MSRB3: variants seen among roughly 807,000 people sequenced by gnomAD.
The protein encoded by MSRB3 is methionine sulfoxide reductase B3.
A neutral mutation model predicts 21.0 loss-of-function variants in MSRB3; 13 were observed. The ratio of observed to expected loss-of-function variants is 0.62; its 90% CI spans 0.40 to 0.98. The LOEUF (loss-of-function observed/expected upper bound fraction) is 0.98, where lower values mean the gene tolerates loss of function less well. Among genes scored for constraint, MSRB3 ranks in the 50% least tolerant of loss-of-function variants. The pLI is 0.00. For synonymous variants in MSRB3, 87 were observed against 88.6 expected (o/e 0.98, Z 0.10); for missense variants, 199 against 230.3 (o/e 0.86, Z 0.88).
At chr12:65,331,222 A>G (rs1165973258) in intron 4 of MSRB3, among the ~76,000 whole-genome samples, 1 of 152,244 alleles carries the variant, frequency 6.6e-6, no homozygotes, top group Non-Finnish European at 1.5e-5. Flanking sequence ...CCCAGTCAGG[A>G]CACAGAATAC....
chr12:65,404,973 T>G (rs1226885759), intron 5 of MSRB3, among the ~76,000 whole-genome samples: 1 of 151,964 alleles, frequency 6.6e-6, no homozygotes, highest in African/African-American at 2.4e-5. Context: ...TTTTTTTTTT[T>G]TAGACAGAGT....
intron 5 of MSRB3, among the ~76,000 whole-genome samples, chr12:65,423,029 C>T (rs868138242): frequency 7.0e-6 from 1 of 142,638 alleles, no homozygotes; most frequent in Non-Finnish European, 1.5e-5. Context: ...ATGGTGCAAT[C>T]TTGGCTCACT....
At chr12:65,290,107 T>C (rs1872590428) in intron 1 of MSRB3, among the ~76,000 whole-genome samples, 1 of 150,684 alleles carries the variant, frequency 6.6e-6, no homozygotes, top group South Asian at 2.1e-4. Context: ...CCTATTACTT[T>C]CAAGCTTCAT....
chr12:65,279,036 G>A (rs1871836785), intron 1 of MSRB3, 171 bp downstream of exon 1: 5 of 1,430,898 alleles, frequency 3.5e-6, no homozygotes, highest in East Asian at 2.6e-5. Context: ...GAAGGGTTGC[G>A]CCCCGCGCCA....
At chr12:65,362,759 G>A (rs1363079375) in intron 4 of MSRB3, among the ~76,000 whole-genome samples, 1 of 152,134 alleles carries the variant, frequency 6.6e-6, no homozygotes, top group African/African-American at 2.4e-5. Flanking sequence ...AGGGGTTAAG[G>A]TATAGTAGAG....
chr12:65,303,780 G>A (rs1213794367), intron 1 of MSRB3, among the ~76,000 whole-genome samples: 4 of 152,164 alleles, frequency 2.6e-5, no homozygotes, highest in East Asian at 1.9e-4. Flanking sequence ...ATGTGATAGC[G>A]TATTTGGTGC....
intron 4 of MSRB3, among the ~76,000 whole-genome samples, chr12:65,349,586 T>C (rs1876791272): frequency 6.8e-6 from 1 of 147,518 alleles, no homozygotes; most frequent in Non-Finnish European, 1.5e-5. Flanking sequence ...TCCTGACTTT[T>C]TAATGATTGC....
At chr12:65,330,552 A>G (rs1875345649) in intron 4 of MSRB3, among the ~76,000 whole-genome samples, 1 of 152,014 alleles carries the variant, frequency 6.6e-6, no homozygotes, top group South Asian at 2.1e-4. Context: ...CCTGAAACTG[A>G]TATGTCTGAG....
intron 4 of MSRB3, among the ~76,000 whole-genome samples, chr12:65,329,298 T>C (rs531912914): frequency 7.2e-5 from 11 of 152,286 alleles, no homozygotes; most frequent in African/African-American, 2.4e-4. Context: ...CTAGAAGCCC[T>C]ATGCTTCCCA....
At chr12:65,310,209 T>A (rs1873907237) in intron 2 of MSRB3, among the ~76,000 whole-genome samples, 1 of 152,174 alleles carries the variant, frequency 6.6e-6, no homozygotes, top group South Asian at 2.1e-4. Flanking sequence ...CCAACCACTC[T>A]TCTCAGTATG....
At chr12:65,410,178 A>C (rs1434254815) in intron 5 of MSRB3, among the ~76,000 whole-genome samples, 1 of 151,798 alleles carries the variant, frequency 6.6e-6, no homozygotes, top group Non-Finnish European at 1.5e-5. Context: ...GTATTTTTCT[A>C]TTGGGGTATT....
At chr12:65,418,832 C>T (rs955467440) in intron 5 of MSRB3, 6 of 898,594 alleles carry the variant, frequency 6.7e-6, no homozygotes, top group East Asian at 4.8e-5. Flanking sequence ...CTGTCCAAGG[C>T]ATCACCAAGA....
chr12:65,317,110 A>T (rs991441823), intron 2 of MSRB3, among the ~76,000 whole-genome samples: 28 of 152,188 alleles, frequency 1.8e-4, no homozygotes, highest in Non-Finnish European at 3.5e-4. Context: ...GTATGCAACC[A>T]TGAGTAGTAA....
chr12:65,393,374 C>T (rs1453238801), intron 5 of MSRB3, among the ~76,000 whole-genome samples: 1 of 152,146 alleles, frequency 6.6e-6, no homozygotes, highest in Non-Finnish European at 1.5e-5. Context: ...TGGCTCACGC[C>T]TGTAATCCCA....
chr12:65,317,927 CCGTTTAGTCCTT>C (rs1361459530), intron 2 of MSRB3, among the ~76,000 whole-genome samples: 1 of 151,808 alleles, frequency 6.6e-6, no homozygotes, highest in African/African-American at 2.4e-5. Flanking sequence ...CAACATATAC[CCGTTTAGTCCTT>C]CCTTTTTCTC....
chr12:65,322,898 TGTAG>T (rs1407545398), intron 2 of MSRB3, among the ~76,000 whole-genome samples: 4 of 152,288 alleles, frequency 2.6e-5, no homozygotes, highest in African/African-American at 9.6e-5. Context: ...GTGCCTGGCA[TGTAG>T]GAGGACTCAA....
intron 5 of MSRB3, among the ~76,000 whole-genome samples, chr12:65,397,090 T>C (rs995623355): frequency 1.3e-5 from 2 of 152,196 alleles, no homozygotes; most frequent in Non-Finnish European, 2.9e-5. Context: ...TCTTGGAGCA[T>C]TGACCCCTTT....
At chr12:65,352,714 A>G (rs2136499158) in intron 4 of MSRB3, among the ~76,000 whole-genome samples, 1 of 150,840 alleles carries the variant, frequency 6.6e-6, no homozygotes, top group Admixed American at 6.6e-5. Flanking sequence ...CCCATTCACA[A>G]TTGCTTCAAA....
chr12:65,410,567 C>G (rs576522512), intron 5 of MSRB3, among the ~76,000 whole-genome samples: 14 of 152,152 alleles, frequency 9.2e-5, no homozygotes, highest in Non-Finnish European at 1.0e-4. Flanking sequence ...TTGCTGGAGC[C>G]TAGGAGGTTG....
Sources: allele counts gnomAD v4.1 joint callset (sites outside exome capture counted in the v4.1 genomes callset), GRCh38; gene constraint gnomAD v4.1.1; transcripts MANE v1.5; gene names NCBI Gene and HGNC (gene_info 2026-07-23, HGNC 2026-07-21).